Variants in NUSAP1 observed in about 807,000 individuals in gnomAD.
The protein encoded by NUSAP1 is nucleolar and spindle associated protein 1.
A neutral mutation model predicts 52.8 loss-of-function variants in NUSAP1; 32 were observed. The ratio of observed to expected loss-of-function variants is 0.61; its 90% CI spans 0.46 to 0.81. NUSAP1 has a LOEUF of 0.81. NUSAP1 is among the 40% of genes least tolerant of loss of function. The pLI is 0.00. For synonymous variants in NUSAP1, 195 were observed against 183.1 expected, an observed-to-expected ratio of 1.06 and a Z score of -0.52; for missense variants, 499 against 522.3, an observed-to-expected ratio of 0.96 and a Z score of 0.43.
rs2048956730 is a variant in NUSAP1, at chr15:41,356,034, T to C, written c.449-5T>C. The C allele has an allele frequency of 1.3e-6, 2 of 1,554,424 alleles. No individual in the cohort carries two copies. The highest frequency in any genetic ancestry group is 1.8e-6 in the Non-Finnish European group (2 of 1,131,642). The stretch of plus-strand genomic sequence containing the variant: ...CCTTCATTATTTCTGTGTCTTTGGA[T>C]TTAGGTAACAGAGATTCAAAGGTAC... On this transcript the variant is annotated splice_region_variant and splice_polypyrimidine_tract_variant and intron_variant, in intron 4 of 10. Transcript: ENST00000559596.
chr15:41,368,728 C>CTTTTTTTTTT (rs57501156), intron 7 of NUSAP1, among the ~76,000 whole-genome samples: 2 of 77,916 alleles, frequency 2.6e-5, no homozygotes, highest in Middle Eastern at 0.01. Flanking sequence ...TTATTTTATT[C>CTTTTTTTTTT]TTTTTTTTTT....
intron 1 of NUSAP1, among the ~76,000 whole-genome samples, chr15:41,339,415 T>TC (rs2034280989): frequency 6.6e-6 from 1 of 151,278 alleles, no homozygotes; most frequent in African/African-American, 2.4e-5. Flanking sequence ...ACTTTTCTTT[T>TC]TTTTTTTTTT....
intron 2 of NUSAP1, 69 bp downstream of exon 2, chr15:41,342,523 C>A: frequency 8.9e-7 from 1 of 1,128,866 alleles, no homozygotes; most frequent in Non-Finnish European, 1.3e-6. Flanking sequence ...GGGCAATTAA[C>A]ACACAACTAG....
intron 8 of NUSAP1, 79 bp from the exon 9 acceptor site, chr15:41,375,633 G>T: frequency 1.1e-6 from 1 of 947,212 alleles, no homozygotes; most frequent in South Asian, 1.3e-5. Context: ...TTTTAAGATT[G>T]AGAAGTAACA....
intron 5 of NUSAP1, among the ~76,000 whole-genome samples, chr15:41,357,019 C>T (rs568338181): frequency 6.6e-6 from 1 of 152,082 alleles, no homozygotes; most frequent in Non-Finnish European, 1.5e-5. Flanking sequence ...CCTGCCTTGG[C>T]CTGTCTTATA....
intron 7 of NUSAP1, 125 bp downstream of exon 7, chr15:41,365,714 TTTTC>T (rs1366609214): frequency 1.6e-6 from 1 of 635,686 alleles, no homozygotes; most frequent in Non-Finnish European, 2.4e-6. Context: ...GTTTCTTTTC[TTTTC>T]TTTTTCTTTT....
chr15:41,375,619 G>A (rs952342914), intron 8 of NUSAP1, 93 bp from the exon 9 acceptor site: 2 of 862,878 alleles, frequency 2.3e-6, no homozygotes, highest in African/African-American at 3.3e-5. Flanking sequence ...CCTATAACGT[G>A]TATTTTTAAG....
At chr15:41,365,366 A>T in intron 6 of NUSAP1, 36 bp from the exon 7 acceptor site, 1 of 1,535,472 alleles carries the variant, frequency 6.5e-7, no homozygotes, top group Admixed American at 1.9e-5. Flanking sequence ...CATGTTGGAG[A>T]GGCCAAGCTT....
chr15:41,356,358 T>C (rs1023217073), intron 5 of NUSAP1, among the ~76,000 whole-genome samples: 9 of 144,214 alleles, frequency 6.2e-5, no homozygotes, highest in Non-Finnish European at 1.2e-4. Context: ...TTCTTTCTTT[T>C]TTTTTTTTTT....
chr15:41,363,097 C>A (rs1595577947), intron 6 of NUSAP1, among the ~76,000 whole-genome samples: 1 of 151,810 alleles, frequency 6.6e-6, no homozygotes, highest in Admixed American at 6.6e-5. Flanking sequence ...GACCAGCCTG[C>A]CCAACATGGC....
intron 6 of NUSAP1, among the ~76,000 whole-genome samples, 160 bp from the exon 7 acceptor site, chr15:41,365,242 C>T (rs1466657755): frequency 3.3e-5 from 5 of 151,130 alleles, no homozygotes; most frequent in Non-Finnish European, 5.9e-5. Context: ...CTGCAACCTC[C>T]GCCTCCTGGG....
At position 41,349,891 on chromosome 15, in the gene NUSAP1, T is replaced by C. The variant is rs373468409; in HGVS notation, c.306+650T>C. Among the ~76,000 whole-genome samples, 7 of 151,682 alleles carry C rather than the reference T, an allele frequency of 4.6e-5. No individual in the cohort carries two copies. In the East Asian group the frequency reaches 9.7e-4, roughly 21 times the overall value. ...AAGCAATTCTCCTGCCTCTGCCTCC[T>C]GAGTAGCTGAGATTACAGGTGGCCA... is the stretch of plus-strand genomic sequence containing the variant. On this transcript the variant is annotated intron_variant, in intron 3 of 10. Coordinates refer to ENST00000559596, the MANE Select transcript of NUSAP1 (RefSeq NM_016359.5).
chr15:41,362,280 A>G (rs552806611), intron 6 of NUSAP1, among the ~76,000 whole-genome samples: 3 of 151,800 alleles, frequency 2.0e-5, no homozygotes, highest in African/African-American at 7.2e-5. Context: ...TTGTATTCCA[A>G]GGTACCTTAT....
At chr15:41,343,655 A>G (rs1472097979) in intron 2 of NUSAP1, among the ~76,000 whole-genome samples, 1 of 147,292 alleles carries the variant, frequency 6.8e-6, no homozygotes, top group East Asian at 2.0e-4. Context: ...TGCCCGGCCC[A>G]TTTTCTTGTA....
At chr15:41,374,432 A>T (rs2049834874) in intron 8 of NUSAP1, among the ~76,000 whole-genome samples, 1 of 152,132 alleles carries the variant, frequency 6.6e-6, no homozygotes, top group African/African-American at 2.4e-5. Flanking sequence ...TTCATGACCT[A>T]TTTACCTCCC....
At chr15:41,380,036 T>A in intron 10 of NUSAP1, 57 bp from the exon 11 acceptor site, 3 of 1,300,708 alleles carry the variant, frequency 2.3e-6, no homozygotes, top group Non-Finnish European at 3.2e-6. Flanking sequence ...AATAGTTGCT[T>A]TAAAGTATCT....
At chr15:41,371,054 T>TGTAAAGAATG (rs1178498807) in intron 7 of NUSAP1, among the ~76,000 whole-genome samples, 6 of 152,330 alleles carry the variant, frequency 3.9e-5, no homozygotes, top group Middle Eastern at 3.4e-3. Context: ...ATTTGCCATA[T>TGTAAAGAATG]GTAAAGAATG....
At chr15:41,378,943 G>GTTTTTTTTTTT (rs1453721233) in intron 10 of NUSAP1, among the ~76,000 whole-genome samples, 6 of 62,824 alleles carry the variant, frequency 9.6e-5, no homozygotes, top group Non-Finnish European at 1.6e-4. Flanking sequence ...AACTTATCTT[G>GTTTTTTTTTTT]GTTTTTTTTT....
At chr15:41,375,577 C>G in intron 8 of NUSAP1, 135 bp from the exon 9 acceptor site, 1 of 608,834 alleles carries the variant, frequency 1.6e-6, no homozygotes, top group Non-Finnish European at 3.0e-6. Context: ...TCCCAAAGTG[C>G]TGGGATTACA....
Sources: gnomAD v4.1 joint callset for allele counts (sites outside exome capture counted in the v4.1 genomes callset) on GRCh38, gnomAD v4.1.1 for gene constraint, MANE v1.5 for transcripts, NCBI Gene and HGNC (gene_info 2026-07-23, HGNC 2026-07-21) for gene names.